TCHP: variants seen among roughly 807,000 people sequenced by gnomAD.
TCHP encodes the protein trichoplein keratin filament-binding protein.
A neutral mutation model predicts 88.7 loss-of-function variants in TCHP; 81 were observed. That is an observed-to-expected ratio of 0.91 (90% CI 0.76 to 1.10). The LOEUF is 1.10. TCHP is among the 50% of genes least tolerant of loss of function. The pLI is 0.00. For synonymous variants in TCHP, 232 were observed against 232.5 expected (o/e 1.00, Z 0.02); for missense variants, 641 against 632.1 (o/e 1.01, Z -0.15).
intron 6 of TCHP, among the ~76,000 whole-genome samples, chr12:109,908,376 G>A (rs1240162410): frequency 2.0e-5 from 3 of 152,216 alleles, no homozygotes; most frequent in Non-Finnish European, 4.4e-5. Context: ...TCCTGTGGGA[G>A]TTTAGAGTTC....
intron 5 of TCHP, among the ~76,000 whole-genome samples, chr12:109,907,294 C>A (rs888091145): frequency 6.6e-6 from 1 of 152,242 alleles, no homozygotes; most frequent in African/African-American, 2.4e-5. Context: ...GCTTCCACAC[C>A]TCTGTGCACT....
At chr12:109,908,817 C>T (rs1051325735) in intron 7 of TCHP, 54 bp from the exon 8 acceptor site, 4 of 1,599,504 alleles carry the variant, frequency 2.5e-6, no homozygotes, top group African/African-American at 1.3e-5. Context: ...TATCTAACTT[C>T]TATTTAATTC....
chr12:109,885,088 C>T, the TCHP span, among the ~76,000 whole-genome samples: 1 of 152,198 alleles, frequency 6.6e-6, no homozygotes, highest in African/African-American at 2.4e-5. Flanking sequence ...CCTGCCTCAG[C>T]CTCCCGGGTA....
At chr12:109,901,218 C>G (rs1173570392) in intron 1 of TCHP, among the ~76,000 whole-genome samples, 5 of 152,216 alleles carry the variant, frequency 3.3e-5, no homozygotes, top group Non-Finnish European at 5.9e-5. Context: ...AGGAACCCAG[C>G]TTGTTTATCT....
intron 1 of TCHP, chr12:109,900,661 C>G (rs528471270): frequency 1.3e-5 from 2 of 152,364 alleles, no homozygotes; most frequent in African/African-American, 4.8e-5. Context: ...CAATCCGGGA[C>G]GGGAATCTTA....
chr12:109,914,323 G>A (rs1870671114), intron 10 of TCHP, 119 bp from the exon 11 acceptor site: 1 of 861,678 alleles, frequency 1.2e-6, no homozygotes, highest in African/African-American at 1.7e-5. Context: ...TGCGTACCTG[G>A]GCCTGAGGCC....
intron 8 of TCHP, among the ~76,000 whole-genome samples, chr12:109,910,315 G>T (rs1015879356): frequency 1.3e-5 from 2 of 152,186 alleles, no homozygotes; most frequent in African/African-American, 4.8e-5. Flanking sequence ...GGCATGGTTG[G>T]TCCTGGTGTG....
At chr12:109,914,346 TG>T in intron 10 of TCHP, 95 bp from the exon 11 acceptor site, 1 of 1,156,726 alleles carries the variant, frequency 8.6e-7, no homozygotes, top group South Asian at 1.5e-5. Flanking sequence ...AGGATGAGGC[TG>T]GGCCTTGCTG....
rs1414416681 is a variant in TCHP, at chr12:109,903,168, A to G, written c.142A>G (p.Ser48Gly). The change falls in exon 2 of 13, where the codon AGC becomes GGC. Residue 48 changes from serine (S) to glycine (G), a missense_variant. Physicochemically the swap from Ser to Gly is moderately conservative, Grantham distance 56 (BLOSUM62 0). Coordinates refer to ENST00000405876, the MANE Select transcript of TCHP (RefSeq NM_001143852.2). The surrounding 1 kb of genome is among the most constrained non-coding windows in gnomAD (Gnocchi z 4.6). The stretch of plus-strand genomic sequence containing the variant: ...TTACTTCAGGATGTCTGACATCTGC[A>G]GCTCCAAACAGGCAGAATGGAGCTC... ...SRYFRMSDIC[S>G]SKQAEWSSKT... 2.5e-6 allele frequency: 4 copies of G among 1,613,932 alleles called. No individual in the cohort carries two copies. The East Asian group carries it at 8.9e-5, about 36-fold the overall frequency.
chr12:109,902,371 G>C (rs1427270053), intron 1 of TCHP, among the ~76,000 whole-genome samples: 1 of 151,998 alleles, frequency 6.6e-6, no homozygotes, highest in Admixed American at 6.6e-5. Flanking sequence ...CTCATGATGT[G>C]GCTGGTCTCC....
intron 9 of TCHP, 40 bp from the exon 10 acceptor site, chr12:109,912,951 C>T (rs751138552): frequency 1.6e-5 from 26 of 1,576,410 alleles, no homozygotes; most frequent in South Asian, 1.4e-4. Context: ...CCTGCCAGGG[C>T]GGGGAGGAGC....
intron 12 of TCHP, 97 bp downstream of exon 12, chr12:109,915,643 G>T: frequency 7.3e-7 from 1 of 1,363,602 alleles, no homozygotes. Context: ...GCCGGGGTCT[G>T]CTCTCCGGCC....
In TCHP at chr12:109,906,595, G is replaced by GC; in HGVS notation, c.481dup (p.His161ProfsTer28). Reference sequence around the variant, plus strand: ...AGATGGAGCTGGACCTTCACCAGAAGCATGTCGTAAACTCTTGGGAAATGC... The same window carrying GC: ...AGATGGAGCTGGACCTTCACCAGAAGCCATGTCGTAAACTCTTGGGAAATGC... On this transcript the variant is annotated frameshift_variant, in exon 5 of 13. Coordinates refer to ENST00000405876, the MANE Select transcript of TCHP (RefSeq NM_001143852.2). LOFTEE classifies it high-confidence loss of function. 6.2e-7 allele frequency: 1 copy of GC among 1,612,598 alleles called. No individual in the cohort carries two copies. Among genetic ancestry groups the GC allele is most frequent in the South Asian group, 1.1e-5 (1 of 91,074 alleles).
At position 109,904,113 on chromosome 12, in the gene TCHP, A is replaced by G; in HGVS notation, c.365A>G (p.Lys122Arg). 1 of 1,582,996 alleles carries G rather than the reference A, an allele frequency of 6.3e-7. No homozygotes were observed. Among genetic ancestry groups the G allele is most frequent in the East Asian group, 2.3e-5 (1 of 43,154 alleles). The change falls in exon 3 of 13, where the codon AAG becomes AGG. Residue 122 changes from lysine to arginine, a missense_variant. By Grantham distance (26) the Lys-to-Arg change is conservative. Transcript: ENST00000405876. ...AGAAGAATCCGGGAGCAGCACGGGA[A>G]GCTGAAATCAGCCAAAGAAGAGCAG... The part of the protein sequence containing the change: ...QERRIREQHG[K>R]LKSAKEEQRK...
the TCHP span, among the ~76,000 whole-genome samples, chr12:109,894,121 G>A: frequency 6.6e-6 from 1 of 151,860 alleles, no homozygotes; most frequent in Non-Finnish European, 1.5e-5. Flanking sequence ...CGAGGTGGAG[G>A]TTGCAGTGAG....
At chr12:109,913,864 A>C (rs1870646723) in intron 10 of TCHP, among the ~76,000 whole-genome samples, 1 of 152,094 alleles carries the variant, frequency 6.6e-6, no homozygotes, top group African/African-American at 2.4e-5. Flanking sequence ...TCCTCATTTA[A>C]ATTTCCCTCC....
At chr12:109,904,196 G>C in intron 3 of TCHP, 49 bp downstream of exon 3, 1 of 1,514,508 alleles carries the variant, frequency 6.6e-7, no homozygotes, top group South Asian at 1.2e-5. Flanking sequence ...AGTGTTCCCA[G>C]CCTGAGTGTG....
chr12:109,892,867 G>T, the TCHP span, among the ~76,000 whole-genome samples: 2 of 152,254 alleles, frequency 1.3e-5, no homozygotes, highest in Non-Finnish European at 1.5e-5. Flanking sequence ...TCAAGGTTCA[G>T]TAACTGGTAA....
Position 109,903,581 on chromosome 12 carries a change from C to A in TCHP, c.189-356C>A, listed in dbSNP as rs148748177. ...GAAATACGTGTAAAAACATGGAGGC[C>A]AAAAGCATAGGCTTTGAAGTCAGAC... On this transcript the variant is annotated intron_variant, in intron 2 of 12. Transcript: ENST00000405876. This position sits in a 1 kb window ranked among gnomAD's most constrained non-coding sequence, Gnocchi z 4.6. Among the ~76,000 whole-genome samples the A allele has an allele frequency of 3.7e-3, 558 of 152,208 alleles. 3 individuals are homozygous for A. Among genetic ancestry groups the A allele is most frequent in the African/African-American group, 0.013 (524 of 41,526 alleles).
Sources: allele counts gnomAD v4.1 joint callset (sites outside exome capture counted in the v4.1 genomes callset), GRCh38; gene constraint gnomAD v4.1.1; non-coding constraint Gnocchi (gnomAD v3.1); transcripts MANE v1.5; gene names NCBI Gene and HGNC (gene_info 2026-07-23, HGNC 2026-07-21).